Variants in OR51I2 observed in about 807,000 individuals in gnomAD.
The protein encoded by OR51I2 is olfactory receptor 51I2.
OR51I2 carries 6 observed loss-of-function variants against 9.3 expected under a neutral mutation model. That is an observed-to-expected ratio of 0.64 (90% CI 0.35 to 1.27). OR51I2 has a LOEUF of 1.27. Among genes scored for constraint, OR51I2 ranks in the 50% most tolerant of loss-of-function variants. The pLI is 0.03. For synonymous variants in OR51I2, 179 were observed against 143.1 expected, an observed-to-expected ratio of 1.25 and a Z score of -1.79; for missense variants, 489 against 396.4, an observed-to-expected ratio of 1.23 and a Z score of -1.98.
rs527688089 is a variant in OR51I2, at chr11:5,453,455, C to G, written c.-34C>G. 4 of 1,455,070 alleles carry G rather than the reference C, an allele frequency of 2.7e-6. No individual in the cohort carries two copies. The East Asian group carries it at 7.0e-5, about 25-fold the overall frequency. 90.1% of individuals were successfully genotyped at this position (1,455,070 alleles called of 1,614,324 possible). The stretch of plus-strand genomic sequence containing the variant: ...GTTAGAATTCTCCAAGTCAGAAGAT[C>G]TGACTCTGAAAAGTACCCTAAGTTT... On this transcript the variant is annotated 5_prime_UTR_variant, in exon 2 of 2. The change creates a new upstream start codon in the 5' untranslated region. Coordinates refer to ENST00000641930, the MANE Select transcript of OR51I2 (RefSeq NM_001004754.3).
At position 5,456,376 on chromosome 11, in the gene OR51I2, G is replaced by C. The variant is rs557501799; in HGVS notation, c.*1949G>C. The stretch of plus-strand genomic sequence containing the variant: ...ATATTTTTCCCTCCCTCATGAGACA[G>C]ATGCCATAAGAAAAATGTAGGGCCA... On this transcript the variant is annotated 3_prime_UTR_variant, in exon 2 of 2. Transcript: ENST00000641930. 6.6e-6 allele frequency: 1 copy of C among 152,176 alleles called. No individual in the cohort carries two copies. Among genetic ancestry groups the C allele is most frequent in the African/African-American group, 2.4e-5 (1 of 41,552 alleles). The allele number at this position is 152,176 out of a possible 1,614,324, so 9.4% of individuals were successfully genotyped here.
In OR51I2 at chr11:5,454,413, CA is replaced by C. The variant is rs1166971641; in HGVS notation, c.926del (p.His309ProfsTer11). The C allele has an allele frequency of 1.2e-6, 2 of 1,606,204 alleles. No individual in the cohort carries two copies. The highest frequency in any genetic ancestry group is 1.7e-6 in the Non-Finnish European group (2 of 1,178,758). ...IRRAIFRMFH[H>X]IKI is the part of the protein sequence containing the mutation. ...CCGAGCCATTTTCCGCATGTTTCAC[CA>C]CATCAAAATATGACTTTCACACTTG... On this transcript the variant is annotated frameshift_variant, in exon 2 of 2. Coordinates refer to ENST00000641930, the MANE Select transcript of OR51I2 (RefSeq NM_001004754.3). LOFTEE classifies it high-confidence loss of function.
chr11:5,452,788 A>G (rs1291910905), intron 1 of OR51I2, among the ~76,000 whole-genome samples: 1 of 152,250 alleles, frequency 6.6e-6, no homozygotes, highest in Non-Finnish European at 1.5e-5. Flanking sequence ...TAGTGTACCT[A>G]TAGAATATTT....
chr11:5,454,533 AG>A lies in OR51I2; in HGVS notation c.*107del. The A allele has an allele frequency of 3.1e-6, 3 of 975,548 alleles. No homozygotes were observed. Among genetic ancestry groups the A allele is most frequent in the Non-Finnish European group, 1.5e-6 (1 of 657,054 alleles). 60.4% of individuals were successfully genotyped at this position (975,548 alleles called of 1,614,324 possible). On this transcript the variant is annotated 3_prime_UTR_variant, in exon 2 of 2. Transcript: ENST00000641930. ...AAGATAGATTGTGTGCTGCGGGAAA[AG>A]TAGGCCAGGAGATGGTGATGCAAAA...
In OR51I2 at chr11:5,453,898, C is replaced by T; in HGVS notation, c.410C>T (p.Thr137Ile). 1 of 1,614,208 alleles carries T rather than the reference C, an allele frequency of 6.2e-7. No individual in the cohort carries two copies. Among genetic ancestry groups the T allele is most frequent in the South Asian group, 1.1e-5 (1 of 91,088 alleles). ...CCCTTGCGCTATGCAACTGTGCTCA[C>T]CACTGAAGTCATTGCTGCAATGGGT... ...CDPLRYATVLTTEVIAAMGLG... is the reference protein window; with the variant it reads ...CDPLRYATVLITEVIAAMGLG... The change falls in exon 2 of 2, where the codon ACC becomes ATC. Residue 137 changes from threonine (T) to isoleucine (I), a missense_variant. By Grantham distance (89) the Thr-to-Ile change is moderately conservative. Coordinates refer to ENST00000641930, the MANE Select transcript of OR51I2 (RefSeq NM_001004754.3).
rs918651162 is a variant in OR51I2, at chr11:5,455,019, T to C, written c.*592T>C. 4.6e-5 allele frequency: 7 copies of C among 152,344 alleles called. No individual in the cohort carries two copies. The highest frequency in any genetic ancestry group is 7.3e-5 in the Non-Finnish European group (5 of 68,142). 9.4% of individuals were successfully genotyped at this position (152,344 alleles called of 1,614,324 possible). ...ACTGTCATTCTCAAACACTCATACA[T>C]TGCTTTAACTTCACAAAGTGAAATC... On this transcript the variant is annotated 3_prime_UTR_variant, in exon 2 of 2. Transcript: ENST00000641930.
rs10450603 is a variant in OR51I2, at chr11:5,453,852, C to T, written c.364C>T (p.Arg122Cys). ...TATTCTGCTGGCCATGAGTTTTGACCGCTATGTGGCCATTTGTGACCCCTT... is the reference window on the plus strand; with the variant it reads ...TATTCTGCTGGCCATGAGTTTTGACTGCTATGTGGCCATTTGTGACCCCTT... ...SGILLAMSFDRYVAICDPLRY... is the reference protein window; with the variant it reads ...SGILLAMSFDCYVAICDPLRY... Residue 122 changes from arginine to cysteine, a missense_variant, in exon 2 of 2, where the codon CGC becomes TGC. Physicochemically the swap from Arg to Cys is radical, Grantham distance 180. Coordinates refer to ENST00000641930, the MANE Select transcript of OR51I2 (RefSeq NM_001004754.3). 9.3e-3 allele frequency: 15,040 copies of T among 1,614,102 alleles called. 1,201 individuals carry two copies. The African/African-American group carries it at 0.17, about 19-fold the overall frequency.
rs56677841 is a variant in OR51I2 at position 5,452,504 on chromosome 11, CAAAAAAAAAAAAAAAAAAAAAA to C, written c.-230-736_-230-715del. Reference sequence around the variant, plus strand: ...TGGGCAAAAGAGAGAGACTCTGTCTCAAAAAAAAAAAAAAAAAAAAAAAAAAAAAAAAAAAAAAAATCAACAG... The same window carrying C: ...TGGGCAAAAGAGAGAGACTCTGTCTCAAAAAAAAAAAAAAAAAATCAACAG... On this transcript the variant is annotated intron_variant, in intron 1 of 1. Transcript: ENST00000641930. 2.9e-3 allele frequency among the ~76,000 whole-genome samples: 200 copies of C among 69,212 alleles called. 3 individuals are homozygous for C. The highest frequency in any genetic ancestry group is 0.01 in the African/African-American group (185 of 17,780). The allele number at this position is 69,212 out of a possible 152,430, so 45.4% of individuals were successfully genotyped here.
At chr11:5,449,648 A>G (rs1040556183) in intron 1 of OR51I2, among the ~76,000 whole-genome samples, 10 of 152,176 alleles carry the variant, frequency 6.6e-5, no homozygotes, top group Non-Finnish European at 1.5e-4. Context: ...TCAAAGGTCA[A>G]AGTTTCTGTG....
chr11:5,453,186 G>C (rs1850883710), intron 1 of OR51I2, 73 bp from the exon 2 acceptor site: 1 of 226,358 alleles, frequency 4.4e-6, no homozygotes, highest in Non-Finnish European at 8.5e-6. Flanking sequence ...TAGAAATGTA[G>C]TTTAAACATT....
chr11:5,449,420 A>G (rs1266805605), intron 1 of OR51I2, 56 bp downstream of exon 1: 1 of 152,362 alleles, frequency 6.6e-6, no homozygotes, highest in Non-Finnish European at 1.5e-5. Context: ...AGCCTGCTCC[A>G]TGAAAGCATT....
intron 1 of OR51I2, among the ~76,000 whole-genome samples, chr11:5,451,759 G>C (rs7104300): frequency 3.3e-5 from 5 of 151,962 alleles, no homozygotes; most frequent in Admixed American, 2.0e-4. Flanking sequence ...TGCTTTGTTA[G>C]AGGTTGGAGA....
rs1371287773 is a variant in OR51I2 at position 5,455,742 on chromosome 11, T to A, written c.*1315T>A. 2.0e-5 allele frequency: 3 copies of A among 151,944 alleles called. No homozygotes were observed. Among genetic ancestry groups the A allele is most frequent in the Non-Finnish European group, 4.4e-5 (3 of 67,976 alleles). 9.4% of individuals were successfully genotyped at this position (151,944 alleles called of 1,614,324 possible). A position where few individuals can be genotyped will look rare whatever the true frequency, so the allele number is the denominator to read the frequency against. ...GTTTTTTCTCTTTGTATTGAGGAAATACCAACAAGAGAGAGAGTCAGAAAG... is the reference window on the plus strand; with the variant it reads ...GTTTTTTCTCTTTGTATTGAGGAAAAACCAACAAGAGAGAGAGTCAGAAAG... On this transcript the variant is annotated 3_prime_UTR_variant, in exon 2 of 2. Transcript: ENST00000641930.
intron 1 of OR51I2, among the ~76,000 whole-genome samples, chr11:5,452,099 G>T (rs1850861538): frequency 6.6e-6 from 1 of 152,182 alleles, no homozygotes; most frequent in African/African-American, 2.4e-5. Context: ...TAGAAGTGTT[G>T]TGTGAGTATA....
Position 5,455,640 on chromosome 11 carries a change from A to G in OR51I2, c.*1213A>G, listed in dbSNP as rs1397317634. 1 of 152,042 alleles carries G rather than the reference A, an allele frequency of 6.6e-6. No homozygotes were observed. Among genetic ancestry groups the G allele is most frequent in the Non-Finnish European group, 1.5e-5 (1 of 68,000 alleles). The allele number at this position is 152,042 out of a possible 1,614,324, so 9.4% of individuals were successfully genotyped here. A position where few individuals can be genotyped will look rare whatever the true frequency, so the allele number is the denominator to read the frequency against. On this transcript the variant is annotated 3_prime_UTR_variant, in exon 2 of 2. Transcript: ENST00000641930. ...GAGAGAAAGAGAGAGAGAGAGATGCACTAGGTAGTCTAACTTAACTCACCA... is the reference window on the plus strand; with the variant it reads ...GAGAGAAAGAGAGAGAGAGAGATGCGCTAGGTAGTCTAACTTAACTCACCA...
intron 1 of OR51I2, among the ~76,000 whole-genome samples, chr11:5,452,997 C>T (rs1276592483): frequency 6.6e-6 from 1 of 150,556 alleles, no homozygotes; most frequent in Non-Finnish European, 1.5e-5. Context: ...ACAAAACTTG[C>T]TCTGGGAAAG....
chr11:5,452,614 G>T (rs1444041274), intron 1 of OR51I2, among the ~76,000 whole-genome samples: 2 of 135,082 alleles, frequency 1.5e-5, no homozygotes, highest in Non-Finnish European at 3.2e-5. Context: ...TATGGAGAGA[G>T]TATGTGAATG....
intron 1 of OR51I2, among the ~76,000 whole-genome samples, chr11:5,449,944 A>G (rs1850818986): frequency 6.6e-6 from 1 of 152,218 alleles, no homozygotes; most frequent in South Asian, 2.1e-4. Context: ...GTCTTTAGAC[A>G]GCCTTTCTGT....
At position 5,453,654 on chromosome 11, in the gene OR51I2, C is replaced by T. The variant is rs1850893468; in HGVS notation, c.166C>T (p.His56Tyr). 2 of 1,613,412 alleles carry T rather than the reference C, an allele frequency of 1.2e-6. No homozygotes were observed. Among genetic ancestry groups the T allele is most frequent in the Non-Finnish European group, 1.7e-6 (2 of 1,179,702 alleles). Residue 56 changes from histidine to tyrosine, a missense_variant, in exon 2 of 2, where the codon CAT becomes TAT. Transcript: ENST00000641930. The stretch of plus-strand genomic sequence containing the variant: ...GGCTGTGCGAGTGGAGCCCAGCCTC[C>T]ATGAGCCCATGTACTACTTCCTGTC... Reference protein sequence around the residue: ...LQAVRVEPSLHEPMYYFLSML... With the variant: ...LQAVRVEPSLYEPMYYFLSML...
Sources: allele counts gnomAD v4.1 joint callset (sites outside exome capture counted in the v4.1 genomes callset), GRCh38; gene constraint gnomAD v4.1.1; transcripts MANE v1.5; gene names NCBI Gene and HGNC (gene_info 2026-07-23, HGNC 2026-07-21).